MPP4: variants seen among roughly 807,000 people sequenced by gnomAD.
MPP4 encodes MAGUK p55 subfamily member 4.
MPP4 carries 91 observed loss-of-function variants against 98.3 expected under a neutral mutation model. That is an observed-to-expected ratio of 0.93 (90% confidence interval 0.78 to 1.10). MPP4 has a LOEUF of 1.10. Ranked by LOEUF, MPP4 falls within the 50% of genes least tolerant of loss-of-function variation. The pLI, the probability that MPP4 is intolerant of heterozygous loss-of-function variation, is 0.00. For missense variants in MPP4, 744 were observed against 792.9 expected, an observed-to-expected ratio of 0.94 and a Z score of 0.74; for synonymous variants, 261 against 271.8, an observed-to-expected ratio of 0.96 and a Z score of 0.39.
chr2:201,693,071 T>C lies in MPP4; in HGVS notation c.80-42A>G, dbSNP rs773962242. On this transcript the variant is annotated intron_variant, in intron 2 of 21. Transcript: ENST00000409474. ...GCAGAGATGGGGTGGCAGGTGCGGG[T>C]GTAAATGTGAAAGGCAACTCAGATA... The C allele has an allele frequency of 3.8e-6, 6 of 1,587,000 alleles. No homozygotes were observed. The South Asian group carries it at 6.9e-5, about 18-fold the overall frequency.
chr2:201,678,290 T>C (rs146818118), intron 10 of MPP4, among the ~76,000 whole-genome samples: 1 of 152,114 alleles, frequency 6.6e-6, no homozygotes, highest in Non-Finnish European at 1.5e-5. Flanking sequence ...TCCCTGTTCA[T>C]GTCCTTCAGC....
intron 20 of MPP4, among the ~76,000 whole-genome samples, chr2:201,648,211 T>C (rs765186791): frequency 1.3e-5 from 2 of 152,088 alleles, no homozygotes; most frequent in Non-Finnish European, 2.9e-5. Flanking sequence ...TTAGTAGAGA[T>C]GGGGTTTCAC....
rs756288793 is a variant in MPP4, at chr2:201,652,783, C to T, written c.1381+2054G>A. 5.3e-5 allele frequency among the ~76,000 whole-genome samples: 8 copies of T among 152,164 alleles called. No homozygotes were observed. In the South Asian group the frequency reaches 8.3e-4, roughly 16 times the overall value. On this transcript the variant is annotated intron_variant, in intron 18 of 21. Coordinates refer to ENST00000409474, the MANE Select transcript of MPP4 (RefSeq NM_033066.3). Reference sequence around the variant, plus strand: ...TACTGCTCCTGCTTCTCTCTGCCCCCGATAGATCTCACTTCCACTGGTTTA... The same window carrying T: ...TACTGCTCCTGCTTCTCTCTGCCCCTGATAGATCTCACTTCCACTGGTTTA...
chr2:201,649,736 T>G lies in MPP4; in HGVS notation c.1476-52A>C, dbSNP rs1574596579. 2.0e-5 allele frequency: 25 copies of G among 1,242,208 alleles called. No homozygotes were observed. The East Asian group carries it at 4.4e-4, about 22-fold the overall frequency. 76.9% of individuals were successfully genotyped at this position (1,242,208 alleles called of 1,614,324 possible). On this transcript the variant is annotated intron_variant, in intron 19 of 21. Coordinates refer to ENST00000409474, the MANE Select transcript of MPP4 (RefSeq NM_033066.3). ...AACACTTTCTACAAGGAAAATATTA[T>G]TAGTAGTAACATGAGGATAAACTGC...
chr2:201,654,585 C>T (rs950281487), intron 18 of MPP4, among the ~76,000 whole-genome samples: 1 of 151,972 alleles, frequency 6.6e-6, no homozygotes, highest in South Asian at 2.1e-4. Flanking sequence ...CAAACCTGCA[C>T]GTTGTGCACA....
intron 10 of MPP4, among the ~76,000 whole-genome samples, chr2:201,676,917 A>G (rs901988960): frequency 2.0e-5 from 3 of 152,196 alleles, no homozygotes; most frequent in African/African-American, 7.2e-5. Context: ...AAAACATTTA[A>G]AAAGTAAGGC....
chr2:201,693,462 T>C (rs543913399), intron 2 of MPP4, among the ~76,000 whole-genome samples: 30 of 152,138 alleles, frequency 2.0e-4, no homozygotes, highest in African/African-American at 6.3e-4. Context: ...AAAATTCTTA[T>C]TGAGAGTGAT....
intron 19 of MPP4, 121 bp from the exon 20 acceptor site, chr2:201,649,805 G>A (rs754184194): frequency 1.4e-6 from 1 of 722,010 alleles, no homozygotes; most frequent in Non-Finnish European, 2.4e-6. Flanking sequence ...AACACAGAAA[G>A]AATGAATAGA....
At chr2:201,681,641 A>C in intron 8 of MPP4, 74 bp from the exon 9 acceptor site, 2 of 1,088,132 alleles carry the variant, frequency 1.8e-6, no homozygotes, top group Non-Finnish European at 2.8e-6. Flanking sequence ...GGACAGAGTT[A>C]CAGTGCAATG....
chr2:201,662,088 T>C (rs960767068), intron 14 of MPP4: 4 of 385,836 alleles, frequency 1.0e-5, no homozygotes, highest in African/African-American at 2.1e-5. Context: ...GCTTTCTTTT[T>C]TTATAACTAA....
chr2:201,654,988 T>C (rs1318057861), intron 17 of MPP4, 71 bp from the exon 18 acceptor site: 1 of 1,008,724 alleles, frequency 9.9e-7, no homozygotes, highest in East Asian at 2.8e-5. Flanking sequence ...GAATTATCAT[T>C]TTAGTCCTTC....
chr2:201,651,724 C>T (rs946992126), intron 18 of MPP4: 35 of 840,224 alleles, frequency 4.2e-5, no homozygotes, highest in Middle Eastern at 6.2e-4. Context: ...GAGGCCAAGG[C>T]GGGTGGATCA....
chr2:201,646,704 T>G (rs112620925), intron 21 of MPP4: 3 of 152,306 alleles, frequency 2.0e-5, no homozygotes, highest in East Asian at 1.9e-4. Context: ...AAAGGATAAT[T>G]TAAAGATACC....
intron 18 of MPP4, among the ~76,000 whole-genome samples, chr2:201,654,046 G>A (rs1001801008): frequency 4.6e-5 from 7 of 151,692 alleles, no homozygotes; most frequent in East Asian, 1.9e-4. Flanking sequence ...GTGCAATCTC[G>A]GCTCACTGCA....
chr2:201,656,126 C>T, intron 17 of MPP4, 72 bp downstream of exon 17: 1 of 1,446,330 alleles, frequency 6.9e-7, no homozygotes, highest in Non-Finnish European at 9.2e-7. Context: ...CCATTATTCC[C>T]AATGCAAGAC....
chr2:201,649,427 C>T (rs1185437832), intron 20 of MPP4, 149 bp downstream of exon 20: 6 of 600,718 alleles, frequency 1.0e-5, no homozygotes, highest in East Asian at 2.8e-5. Flanking sequence ...TCAATTGACA[C>T]GTTAAGTAAG....
intron 14 of MPP4, among the ~76,000 whole-genome samples, chr2:201,661,077 C>T (rs62193395): frequency 4.3e-4 from 65 of 152,044 alleles, no homozygotes; most frequent in Middle Eastern, 3.4e-3. Flanking sequence ...TGAGCCACCA[C>T]GCCTGGCTAA....
At chr2:201,688,551 G>C (rs1356422504) in intron 4 of MPP4, among the ~76,000 whole-genome samples, 1 of 152,178 alleles carries the variant, frequency 6.6e-6, no homozygotes, top group African/African-American at 2.4e-5. Context: ...GAGCATTGCT[G>C]ACATAAGGAA....
intron 10 of MPP4, among the ~76,000 whole-genome samples, chr2:201,678,158 G>C (rs973739409): frequency 2.0e-5 from 3 of 151,454 alleles, no homozygotes; most frequent in Non-Finnish European, 2.9e-5. Flanking sequence ...ATCATTCTTT[G>C]TTTGTGTGCC....
Sources: allele counts gnomAD v4.1 joint callset (sites outside exome capture counted in the v4.1 genomes callset), GRCh38; gene constraint gnomAD v4.1.1; transcripts MANE v1.5; gene names NCBI Gene and HGNC (gene_info 2026-07-23, HGNC 2026-07-21).